STK17B: variants seen among roughly 807,000 people sequenced by gnomAD.
STK17B encodes the protein serine/threonine-protein kinase 17B.
STK17B carries 21 observed loss-of-function variants against 42.0 expected under a neutral mutation model. The observed-to-expected ratio is 0.50, with a 90% CI of 0.35 to 0.72. STK17B has a LOEUF of 0.72. Among genes scored for constraint, STK17B ranks in the 30% least tolerant of loss-of-function variants. The pLI is 0.00. For missense variants in STK17B, 349 were observed against 446.0 expected, an observed-to-expected ratio of 0.78 and a Z score of 1.96; for synonymous variants, 143 against 148.4, an observed-to-expected ratio of 0.96 and a Z score of 0.26.
chr2:196,149,643 T>C (rs1267654956), intron 3 of STK17B, among the ~76,000 whole-genome samples: 1 of 152,218 alleles, frequency 6.6e-6, no homozygotes, highest in East Asian at 1.9e-4. Flanking sequence ...GCACACACTA[T>C]ATTCTTAAGT....
Position 196,143,616 on chromosome 2 carries a change from C to T in STK17B, c.551G>A (p.Arg184Gln), listed in dbSNP as rs762784446. The change falls in exon 5 of 8, where the codon CGA (arginine) becomes CAA (glutamine). Residue 184 changes from arginine (R) to glutamine (Q), a missense_variant. Transcript: ENST00000263955. The stretch of plus-strand genomic sequence containing the variant: ...AAGTTCACACGCATGCCCTATTTTT[C>T]GAGACATTCCAAAATCTACTATTTT... ...DIKIVDFGMS[R>Q]KIGHACELRE... 1.2e-6 allele frequency: 2 copies of T among 1,609,404 alleles called. No homozygotes were observed. Among genetic ancestry groups the T allele is most frequent in the Non-Finnish European group, 1.7e-6 (2 of 1,177,908 alleles).
At chr2:196,144,197 A>G (rs117866441) in intron 4 of STK17B, among the ~76,000 whole-genome samples, 1 of 150,072 alleles carries the variant, frequency 6.7e-6, no homozygotes, top group African/African-American at 2.4e-5. Flanking sequence ...TAAAAAATTA[A>G]AAAAAAAAAG....
intron 6 of STK17B, 59 bp from the exon 7 acceptor site, chr2:196,139,858 G>T: frequency 8.1e-7 from 1 of 1,240,940 alleles, no homozygotes; most frequent in Non-Finnish European, 1.0e-6. Flanking sequence ...TTTATACAAA[G>T]TACAATCGAC....
At chr2:196,154,612 A>G (rs1024158882) in intron 3 of STK17B, 5 of 152,250 alleles carry the variant, frequency 3.3e-5, no homozygotes, top group African/African-American at 1.2e-4. Context: ...TTGTAAAATA[A>G]GAGTTGGGGA....
upstream of STK17B, among the ~76,000 whole-genome samples, chr2:196,174,612 C>T (rs946413576): frequency 6.6e-6 from 1 of 152,202 alleles, no homozygotes; most frequent in East Asian, 1.9e-4. Flanking sequence ...TCTGAAGGGG[C>T]GTGGCTCAAC....
intron 5 of STK17B, 84 bp from the exon 6 acceptor site, chr2:196,141,381 T>C (rs1575171384): frequency 3.7e-6 from 4 of 1,092,186 alleles, no homozygotes; most frequent in East Asian, 5.2e-5. Context: ...TAACTGGGAC[T>C]GGGCATGATG....
chr2:196,141,128 T>C (rs1000012000), intron 6 of STK17B, 121 bp downstream of exon 6: 3 of 705,162 alleles, frequency 4.3e-6, no homozygotes, highest in Admixed American at 6.1e-5. Flanking sequence ...ATAATAATGA[T>C]ATTCAAATAA....
chr2:196,135,221 A>ATATG lies in STK17B; in HGVS notation c.*2222_*2225dup, dbSNP rs1699380473. The ATATG allele has an allele frequency of 6.6e-6, 1 of 152,200 alleles. No homozygotes were observed. The highest frequency in any genetic ancestry group is 2.4e-5 in the African/African-American group (1 of 41,452). 9.4% of individuals were successfully genotyped at this position (152,200 alleles called of 1,614,324 possible). A position where few individuals can be genotyped will look rare whatever the true frequency, so the allele number is the denominator to read the frequency against. ...GATTCCTCTAAAAATTAAAAATATAATATGGTCTTCAGAAACATAATCATT... is the reference window on the plus strand; with the variant it reads ...GATTCCTCTAAAAATTAAAAATATAATATGTATGGTCTTCAGAAACATAATCATT... On this transcript the variant is annotated 3_prime_UTR_variant, in exon 8 of 8. Transcript: ENST00000263955.
chr2:196,155,176 A>G (rs1358534295), intron 3 of STK17B, among the ~76,000 whole-genome samples: 1 of 152,244 alleles, frequency 6.6e-6, no homozygotes, highest in African/African-American at 2.4e-5. Flanking sequence ...TCAAACATGC[A>G]GATGTTATGC....
At chr2:196,172,421 G>A (rs1699959682), upstream of STK17B, among the ~76,000 whole-genome samples, 1 of 152,200 alleles carries the variant, frequency 6.6e-6, no homozygotes, top group Non-Finnish European at 1.5e-5. Flanking sequence ...TATGGGATTA[G>A]TTATGTAATC....
At chr2:196,165,136 G>A (rs140012059) in intron 1 of STK17B, among the ~76,000 whole-genome samples, 1 of 152,294 alleles carries the variant, frequency 6.6e-6, no homozygotes, top group African/African-American at 2.4e-5. Context: ...TTTGGAGACA[G>A]GGCCTTTAAA....
intron 2 of STK17B, among the ~76,000 whole-genome samples, 199 bp downstream of exon 2, chr2:196,163,063 A>T (rs1699833295): frequency 6.6e-6 from 1 of 152,150 alleles, no homozygotes; most frequent in Non-Finnish European, 1.5e-5. Flanking sequence ...GGTAGGATGT[A>T]TGATTTAAGT....
In STK17B at chr2:196,139,810, AG is replaced by A; in HGVS notation, c.657-12del. The A allele has an allele frequency of 7.4e-7, 1 of 1,345,292 alleles. No homozygotes were observed. Among genetic ancestry groups the A allele is most frequent in the Non-Finnish European group, 9.6e-7 (1 of 1,037,770 alleles). 83.3% of individuals were successfully genotyped at this position (1,345,292 alleles called of 1,614,324 possible). ...ATTATACCAATATTCCTGAAAAACA[AG>A]GGAGGGGAACTTAAAATGTATGTTA... On this transcript the variant is annotated splice_polypyrimidine_tract_variant and intron_variant, in intron 6 of 7. Coordinates refer to ENST00000263955, the MANE Select transcript of STK17B (RefSeq NM_004226.4).
chr2:196,144,735 A>G (rs1383466376), intron 4 of STK17B, among the ~76,000 whole-genome samples: 1 of 152,050 alleles, frequency 6.6e-6, no homozygotes, highest in Non-Finnish European at 1.5e-5. Flanking sequence ...TTGCTTTACT[A>G]CTACTGCAGG....
At chr2:196,159,000 G>T (rs1699775876) in intron 2 of STK17B, among the ~76,000 whole-genome samples, 1 of 132,868 alleles carries the variant, frequency 7.5e-6, no homozygotes, top group Non-Finnish European at 1.6e-5. Flanking sequence ...GACAGAGCAA[G>T]ACTGTGTCTC....
At chr2:196,163,203 TAAA>T in intron 2 of STK17B, 56 bp downstream of exon 2, 1 of 1,579,258 alleles carries the variant, frequency 6.3e-7, no homozygotes, top group South Asian at 1.1e-5. Context: ...TATAGAATTA[TAAA>T]AACACAAATC....
At chr2:196,147,230 T>G (rs893898898) in intron 3 of STK17B, among the ~76,000 whole-genome samples, 27 of 152,202 alleles carry the variant, frequency 1.8e-4, no homozygotes, top group African/African-American at 6.5e-4. Context: ...GATAAAATAG[T>G]AACTCACTCT....
At chr2:196,141,790 T>C (rs1188262568) in intron 5 of STK17B, among the ~76,000 whole-genome samples, 1 of 152,204 alleles carries the variant, frequency 6.6e-6, no homozygotes, top group Non-Finnish European at 1.5e-5. Context: ...TTGAGTAAAT[T>C]ATATGATCAG....
upstream of STK17B, among the ~76,000 whole-genome samples, chr2:196,175,592 C>A (rs1271943682): frequency 6.6e-6 from 1 of 152,214 alleles, no homozygotes; most frequent in Non-Finnish European, 1.5e-5. Context: ...TGTACCACTG[C>A]ACTCCAGCTT....
Sources: gnomAD v4.1 joint callset for allele counts (sites outside exome capture counted in the v4.1 genomes callset) on GRCh38, gnomAD v4.1.1 for gene constraint, MANE v1.5 for transcripts, NCBI Gene and HGNC (gene_info 2026-07-23, HGNC 2026-07-21) for gene names.